Variants in CORO7 observed in about 807,000 individuals in gnomAD.
CORO7 encodes coronin-7.
A neutral mutation model predicts 126.6 loss-of-function variants in CORO7; 107 were observed. The observed-to-expected ratio is 0.85, with a 90% CI of 0.72 to 0.99. The LOEUF (loss-of-function observed/expected upper bound fraction) is 0.99, where lower values mean the gene tolerates loss of function less well. Ranked by LOEUF, CORO7 falls within the 50% of genes least tolerant of loss-of-function variation. CORO7 has a pLI of 0.00. For missense variants in CORO7, 1,314 were observed against 1,255.8 expected (o/e 1.05, Z -0.70); for synonymous variants, 603 against 536.8 (o/e 1.12, Z -1.70).
At chr16:4,356,953 T>C (rs2053994669) in intron 26 of CORO7, 3 of 646,658 alleles carry the variant, frequency 4.6e-6, no homozygotes, top group Admixed American at 3.0e-5. Context: ...GGGTTTGGCC[T>C]GGCCAGGGCA....
intron 9 of CORO7, among the ~76,000 whole-genome samples, chr16:4,380,385 C>T (rs867433304): frequency 3.9e-5 from 6 of 152,256 alleles, no homozygotes; most frequent in African/African-American, 7.2e-5. Flanking sequence ...TTCCCTCCTC[C>T]AAGGAGGGCG....
chr16:4,409,102 G>A (rs868028100), intron 3 of CORO7, among the ~76,000 whole-genome samples: 9 of 152,328 alleles, frequency 5.9e-5, no homozygotes, highest in Middle Eastern at 3.4e-3. Context: ...AGGGTGGCGG[G>A]GTTTCGGGGT....
chr16:4,370,490 A>G (rs1224163539), intron 9 of CORO7, among the ~76,000 whole-genome samples: 1 of 152,228 alleles, frequency 6.6e-6, no homozygotes, highest in African/African-American at 2.4e-5. Flanking sequence ...AGTGCCTTCA[A>G]AGTTGTAAAA....
rs371276157 is a variant in CORO7, at chr16:4,382,498, G to A, written c.785+5488C>T. On this transcript the variant is annotated intron_variant, in intron 9 of 27. Transcript: ENST00000251166. Reference sequence around the variant, plus strand: ...CGTCTGTGTCATGCCTTTGGGGCCCGGGCGGGTGCCGGAGGGCGAGGAGGC... The same window carrying A: ...CGTCTGTGTCATGCCTTTGGGGCCCAGGCGGGTGCCGGAGGGCGAGGAGGC... 1.2e-4 allele frequency: 191 copies of A among 1,595,168 alleles called. No homozygotes were observed. The highest frequency in any genetic ancestry group is 3.8e-4 in the South Asian group (34 of 88,862).
chr16:4,395,507 C>T (rs980404615), intron 6 of CORO7, among the ~76,000 whole-genome samples, 168 bp from the exon 7 acceptor site: 1 of 152,192 alleles, frequency 6.6e-6, no homozygotes, highest in Non-Finnish European at 1.5e-5. Flanking sequence ...TCCTCCTCCT[C>T]AGCACAGCAG....
Position 4,408,389 on chromosome 16 carries a change from C to G in CORO7, c.233-138G>C, listed in dbSNP as rs2056087866. 2.4e-6 allele frequency: 3 copies of G among 1,253,632 alleles called. No homozygotes were observed. The African/African-American group carries it at 4.5e-5, about 19-fold the overall frequency. The allele number at this position is 1,253,632 out of a possible 1,614,324, so 77.7% of individuals were successfully genotyped here. A position where few individuals can be genotyped will look rare whatever the true frequency, so the allele number is the denominator to read the frequency against. ...AAGTCTACAAGGGCCCTCTGGACAC[C>G]ATGGGGGCAAATGCCACAGGCCCCT... On this transcript the variant is annotated intron_variant, in intron 3 of 27. Transcript: ENST00000251166.
intron 7 of CORO7, among the ~76,000 whole-genome samples, chr16:4,392,297 G>A (rs2055421922): frequency 2.0e-5 from 3 of 152,102 alleles, no homozygotes; most frequent in African/African-American, 7.2e-5. Flanking sequence ...GCATCCAGAG[G>A]GGCGAGCCTG....
chr16:4,359,468 A>G lies in CORO7; in HGVS notation c.2250+12T>C. The G allele has an allele frequency of 6.2e-7, 1 of 1,613,260 alleles. No homozygotes were observed. Among genetic ancestry groups the G allele is most frequent in the South Asian group, 1.1e-5 (1 of 91,070 alleles). On this transcript the variant is annotated intron_variant, in intron 22 of 27. Transcript: ENST00000251166. ...CCTCTCACCTGCCATCCCGCCCTCC[A>G]GCCCAGCCCACCTTGCCGGTCAGGA...
rs2053919788 is a variant in CORO7 at position 4,354,743 on chromosome 16, A to G, written c.*415T>C. ...AAGGCCTGGTGGGGGGCCAGCCCCC[A>G]AGGCCCTTGACCAGAACTGGAACAG... On this transcript the variant is annotated 3_prime_UTR_variant, in exon 28 of 28. Coordinates refer to ENST00000251166, the MANE Select transcript of CORO7 (RefSeq NM_024535.5). 1 of 208,328 alleles carries G rather than the reference A, an allele frequency of 4.8e-6. No homozygotes were observed. The highest frequency in any genetic ancestry group is 9.5e-6 in the Non-Finnish European group (1 of 104,768). The allele number at this position is 208,328 out of a possible 1,614,324, so 12.9% of individuals were successfully genotyped here. A position where few individuals can be genotyped will look rare whatever the true frequency, so the allele number is the denominator to read the frequency against.
chr16:4,395,243 C>A (rs968089047), intron 7 of CORO7, 46 bp downstream of exon 7: 1 of 1,613,476 alleles, frequency 6.2e-7, no homozygotes, highest in Non-Finnish European at 8.5e-7. Flanking sequence ...GGGTCCTCAG[C>A]CTCAGTGGAG....
chr16:4,412,497 T>C (rs2141334937), intron 2 of CORO7, 67 bp from the exon 3 acceptor site: 1 of 1,562,976 alleles, frequency 6.4e-7, no homozygotes, highest in Non-Finnish European at 8.8e-7. Context: ...TGCCCAGGGA[T>C]CCCAGAGATG....
chr16:4,368,269 C>T (rs112951868), intron 9 of CORO7, among the ~76,000 whole-genome samples: 33 of 152,040 alleles, frequency 2.2e-4, no homozygotes, highest in African/African-American at 8.0e-4. Context: ...ACCACTTGAA[C>T]CCGGCAGGTG....
At chr16:4,406,447 C>T (rs527257021) in intron 5 of CORO7, among the ~76,000 whole-genome samples, 23 of 152,222 alleles carry the variant, frequency 1.5e-4, no homozygotes, top group African/African-American at 5.3e-4. Context: ...GACAGGCACA[C>T]GCCACCACGC....
Position 4,360,293 on chromosome 16 carries a change from A to C in CORO7, c.2093T>G (p.Val698Gly), listed in dbSNP as rs753844958. ...VWVCDGRCLL[V>G]SGFDSQSERQ... ...GAGTCCTCACCTGTCAAAGCCAGAC[A>C]CCAGCAGACAGCGACCATCACATAC... The change falls in exon 21 of 28, where the codon GTG (valine) becomes GGG (glycine). Residue 698 changes from valine (V) to glycine (G), a missense_variant. By Grantham distance (109) the Val-to-Gly change is moderately radical. Coordinates refer to ENST00000251166, the MANE Select transcript of CORO7 (RefSeq NM_024535.5). The C allele has an allele frequency of 6.2e-7, 1 of 1,613,554 alleles. No homozygotes were observed. Among genetic ancestry groups the C allele is most frequent in the Non-Finnish European group, 8.5e-7 (1 of 1,179,980 alleles).
At chr16:4,357,606 T>A in intron 25 of CORO7, 1 of 342,830 alleles carries the variant, frequency 2.9e-6, no homozygotes, top group South Asian at 4.0e-5. Flanking sequence ...TCCACTCGCC[T>A]CAGCCTCCTA....
At position 4,381,354 on chromosome 16, in the gene CORO7, G is replaced by A. The variant is rs149925494; in HGVS notation, c.785+6632C>T. Reference sequence around the variant, plus strand: ...TGGAGCTCAAGCTGCAGGACAACGAGCTGCGGGCACTGCCCCCGCTGCGCC... The same window carrying A: ...TGGAGCTCAAGCTGCAGGACAACGAACTGCGGGCACTGCCCCCGCTGCGCC... On this transcript the variant is annotated intron_variant, in intron 9 of 27. Transcript: ENST00000251166. 1.1e-5 allele frequency: 18 copies of A among 1,600,962 alleles called. No individual in the cohort carries two copies. The East Asian group carries it at 3.7e-4, about 33-fold the overall frequency.
chr16:4,362,643 G>A lies in CORO7; in HGVS notation c.1371C>T (p.Ser457=), dbSNP rs754784461. ...SLSSTSGIGT[S]PSLRSLQSLL... The stretch of plus-strand genomic sequence containing the variant: ...GGCTCTGCAGCGACCTCAAACTGGG[G>A]CTGGTCCCGATGCCACTGGTGCTGG... Residue 457 remains serine (S), a synonymous_variant, in exon 15 of 28, where the codon AGC becomes AGT. Coordinates refer to ENST00000251166, the MANE Select transcript of CORO7 (RefSeq NM_024535.5). This position sits in a 1 kb window ranked among gnomAD's most constrained non-coding sequence, Gnocchi z 5.3. 9.6e-6 allele frequency: 15 copies of A among 1,560,430 alleles called. No homozygotes were observed. The South Asian group carries it at 1.8e-4, about 18-fold the overall frequency.
In CORO7 at chr16:4,412,354, A is replaced by C; in HGVS notation, c.232+2T>G. On this transcript the variant is annotated splice_donor_variant, in intron 3 of 27. Coordinates refer to ENST00000251166, the MANE Select transcript of CORO7 (RefSeq NM_024535.5). LOFTEE classifies it high-confidence loss of function. Reference sequence around the variant, plus strand: ...TCACCCACTAGTCAGACACCCACTCACCTGAATGGCAGCCCAGGTGGGCCA... The same window carrying C: ...TCACCCACTAGTCAGACACCCACTCCCCTGAATGGCAGCCCAGGTGGGCCA... The C allele has an allele frequency of 4.3e-6, 7 of 1,614,028 alleles. No homozygotes were observed. Among genetic ancestry groups the C allele is most frequent in the Non-Finnish European group, 5.9e-6 (7 of 1,179,970 alleles).
Position 4,355,332 on chromosome 16 carries a change from T to C in CORO7, c.2726A>G (p.Asp909Gly). ...AMVAKLGNRE[D>G]PLPQDSFEGV... ...TTCAAAGGAGTCCTGGGGGAGTGGG[T>C]CCTCCCGGTTCCCCAGTTTTGCCAC... The change falls in exon 27 of 28, where the codon GAC becomes GGC. Residue 909 changes from aspartate to glycine, a missense_variant. By Grantham distance (94) the Asp-to-Gly change is moderately conservative. Transcript: ENST00000251166. 1 of 1,612,512 alleles carries C rather than the reference T, an allele frequency of 6.2e-7. No individual in the cohort carries two copies. Among genetic ancestry groups the C allele is most frequent in the Middle Eastern group, 1.7e-4 (1 of 6,044 alleles).
Sources: allele counts gnomAD v4.1 joint callset (sites outside exome capture counted in the v4.1 genomes callset), GRCh38; gene constraint gnomAD v4.1.1; non-coding constraint Gnocchi (gnomAD v3.1); transcripts MANE v1.5; gene names NCBI Gene and HGNC (gene_info 2026-07-23, HGNC 2026-07-21).